The following DAPP1 variants were observed in gnomAD, a reference collection of about 807,000 sequenced individuals.
DAPP1 encodes dual adapter for phosphotyrosine and 3-phosphotyrosine and 3-phosphoinositide.
Under a neutral mutation model 41.5 loss-of-function variants are expected in DAPP1, and 20 were observed. The observed-to-expected ratio is 0.48, with a 90% CI of 0.34 to 0.70. DAPP1 has a LOEUF of 0.70. Ranked by LOEUF, DAPP1 falls within the 30% of genes least tolerant of loss-of-function variation. DAPP1 has a pLI of 0.01. For missense variants in DAPP1, 233 were observed against 333.4 expected, an observed-to-expected ratio of 0.70 and a Z score of 2.35; for synonymous variants, 113 against 116.2, an observed-to-expected ratio of 0.97 and a Z score of 0.18.
chr4:99,850,916 G>A (rs1462763168), intron 3 of DAPP1, among the ~76,000 whole-genome samples: 1 of 152,168 alleles, frequency 6.6e-6, no homozygotes, highest in Non-Finnish European at 1.5e-5. Flanking sequence ...CACTAGTAAG[G>A]AGCAGAAGCT....
intron 1 of DAPP1, among the ~76,000 whole-genome samples, chr4:99,834,672 G>C (rs1723235337): frequency 6.6e-6 from 1 of 152,128 alleles, no homozygotes; most frequent in Non-Finnish European, 1.5e-5. Flanking sequence ...CTATTCTTAT[G>C]GTATTTTGAC....
At chr4:99,849,664 C>T (rs568049656) in intron 3 of DAPP1, among the ~76,000 whole-genome samples, 52 of 152,232 alleles carry the variant, frequency 3.4e-4, no homozygotes, top group Non-Finnish European at 5.7e-4. Flanking sequence ...CCCCACAGGA[C>T]GTCCACATGT....
intron 7 of DAPP1, 112 bp from the exon 8 acceptor site, chr4:99,865,922 T>TA (rs1724418739): frequency 2.9e-5 from 3 of 104,220 alleles, no homozygotes; most frequent in African/African-American, 7.9e-5. Context: ...TATATATATA[T>TA]ATAATATATA....
intron 1 of DAPP1, among the ~76,000 whole-genome samples, chr4:99,829,592 GT>G (rs1445602721): frequency 1.3e-5 from 2 of 152,152 alleles, no homozygotes; most frequent in Non-Finnish European, 2.9e-5. Context: ...GGTAAAAATT[GT>G]TGGAGCAGAT....
chr4:99,845,837 A>G (rs1723648302), intron 3 of DAPP1, among the ~76,000 whole-genome samples: 1 of 152,256 alleles, frequency 6.6e-6, no homozygotes, highest in Admixed American at 6.5e-5. Flanking sequence ...AGGATATCAA[A>G]CAGCCTGTCT....
chr4:99,835,901 A>G (rs1723284165), intron 2 of DAPP1, among the ~76,000 whole-genome samples, 156 bp downstream of exon 2: 1 of 152,206 alleles, frequency 6.6e-6, no homozygotes, highest in Non-Finnish European at 1.5e-5. Flanking sequence ...GTGTAAAACA[A>G]CATTCCTGCT....
chr4:99,822,232 T>C (rs9994042), intron 1 of DAPP1, among the ~76,000 whole-genome samples: 13,333 of 152,260 alleles, frequency 0.088, 752 homozygotes, highest in African/African-American at 0.15. Flanking sequence ...GTCCATGTTG[T>C]GGGGAGTCAC....
intron 3 of DAPP1, among the ~76,000 whole-genome samples, chr4:99,850,404 C>T (rs1192038669): frequency 6.6e-6 from 1 of 150,712 alleles, no homozygotes; most frequent in East Asian, 1.9e-4. Context: ...AGCAAGACTC[C>T]GCCTCAAAAA....
intron 3 of DAPP1, among the ~76,000 whole-genome samples, chr4:99,846,700 A>G (rs1723675732): frequency 6.6e-6 from 1 of 152,118 alleles, no homozygotes; most frequent in Non-Finnish European, 1.5e-5. Context: ...TCCATAGTGG[A>G]CTCATATAAG....
chr4:99,863,738 TG>T, intron 6 of DAPP1, 31 bp from the exon 7 acceptor site: 1 of 1,207,152 alleles, frequency 8.3e-7, no homozygotes, highest in South Asian at 1.4e-5. Flanking sequence ...TTTTTTTTAA[TG>T]GTGACATACG....
At chr4:99,821,954 G>T (rs1196812384) in intron 1 of DAPP1, among the ~76,000 whole-genome samples, 4 of 152,172 alleles carry the variant, frequency 2.6e-5, no homozygotes, top group Non-Finnish European at 5.9e-5. Context: ...GCTAAGAAAC[G>T]TAAAGTCAAA....
At chr4:99,826,321 A>T (rs1429646577) in intron 1 of DAPP1, among the ~76,000 whole-genome samples, 1 of 152,192 alleles carries the variant, frequency 6.6e-6, no homozygotes, top group Non-Finnish European at 1.5e-5. Flanking sequence ...AAAATGAAAT[A>T]AGAGAAAATT....
chr4:99,841,736 A>T (rs1723502818), intron 3 of DAPP1, among the ~76,000 whole-genome samples: 1 of 152,066 alleles, frequency 6.6e-6, no homozygotes, highest in African/African-American at 2.4e-5. Flanking sequence ...TGTTTTGTGT[A>T]CCTCTAATTT....
intron 4 of DAPP1, among the ~76,000 whole-genome samples, chr4:99,861,207 A>C (rs1302398625): frequency 1.3e-5 from 2 of 152,220 alleles, no homozygotes; most frequent in African/African-American, 4.8e-5. Flanking sequence ...TAGTTTTCTT[A>C]ATCCAGTCTC....
chr4:99,844,992 T>A (rs1180012344), intron 3 of DAPP1, among the ~76,000 whole-genome samples: 1 of 152,238 alleles, frequency 6.6e-6, no homozygotes, highest in Admixed American at 6.5e-5. Flanking sequence ...ATACAAAATG[T>A]TCTCAGTTTA....
chr4:99,852,705 C>T (rs750728811), intron 3 of DAPP1, among the ~76,000 whole-genome samples: 3 of 152,140 alleles, frequency 2.0e-5, no homozygotes, highest in Non-Finnish European at 4.4e-5. Context: ...ATTTGTTACA[C>T]GTTTATTCGG....
chr4:99,870,717 C>T (rs1724610844), downstream of DAPP1, among the ~76,000 whole-genome samples: 1 of 152,164 alleles, frequency 6.6e-6, no homozygotes, highest in South Asian at 2.1e-4. Context: ...TGTCTGCTAA[C>T]AGGTATGAGC....
chr4:99,836,475 A>G (rs955646366), intron 2 of DAPP1, among the ~76,000 whole-genome samples: 4 of 152,150 alleles, frequency 2.6e-5, no homozygotes, highest in Admixed American at 2.0e-4. Flanking sequence ...GCGCTTCTCC[A>G]TGGATTAGGC....
chr4:99,870,865 A>G (rs1724613534), downstream of DAPP1, among the ~76,000 whole-genome samples: 1 of 152,208 alleles, frequency 6.6e-6, no homozygotes, highest in South Asian at 2.1e-4. Flanking sequence ...TTCCTGACTT[A>G]CAATGATTTG....
Sources: allele counts gnomAD v4.1 joint callset (sites outside exome capture counted in the v4.1 genomes callset), GRCh38; gene constraint gnomAD v4.1.1; transcripts MANE v1.5; gene names NCBI Gene and HGNC (gene_info 2026-07-23, HGNC 2026-07-21).